Variants in GRID2 observed in about 807,000 individuals in gnomAD.
GRID2 encodes the protein glutamate ionotropic receptor delta type subunit 2, also known as glutamate receptor ionotropic, delta-2.
Under a neutral mutation model 114.8 loss-of-function variants are expected in GRID2, and 33 were observed. The ratio of observed to expected loss-of-function variants is 0.29; its 90% CI spans 0.22 to 0.38. GRID2 has a LOEUF of 0.38. Ranked by LOEUF, GRID2 falls within the 10% of genes least tolerant of loss-of-function variation. The pLI, the probability that GRID2 is intolerant of heterozygous loss-of-function variation, is 1.00. For missense variants in GRID2, 1,184 were observed against 1,257.7 expected, an observed-to-expected ratio of 0.94 and a Z score of 0.89; for synonymous variants, 505 against 449.9, an observed-to-expected ratio of 1.12 and a Z score of -1.55.
chr4:92,747,443 A>C (rs762985477), intron 2 of GRID2, among the ~76,000 whole-genome samples: 5 of 152,086 alleles, frequency 3.3e-5, no homozygotes, highest in African/African-American at 1.2e-4. Context: ...TAAAAGATGC[A>C]TTATTCAGCG....
rs373207037 is a variant in GRID2, at chr4:92,704,723, T to TTC, written c.244+114458_244+114459dup. Among the ~76,000 whole-genome samples the TTC allele has an allele frequency of 8.7e-3, 788 of 90,068 alleles. 2 individuals are homozygous for TTC. Among genetic ancestry groups the TTC allele is most frequent in the African/African-American group, 0.018 (441 of 23,844 alleles). The allele number at this position is 90,068 out of a possible 152,430, so 59.1% of individuals were successfully genotyped here. ...TCAATCTCTCTCTCTCTCTCTCTCT[T>TTC]TCTCTCTCTCTCTCTCTCTCTCCCT... On this transcript the variant is annotated intron_variant, in intron 2 of 15. Transcript: ENST00000282020.
chr4:92,489,317 T>G (rs1476857528), intron 1 of GRID2, among the ~76,000 whole-genome samples: 1 of 152,150 alleles, frequency 6.6e-6, no homozygotes, highest in Non-Finnish European at 1.5e-5. Context: ...TAAATGTTAT[T>G]TAAGAAATCA....
chr4:93,120,482 A>C lies in GRID2; in HGVS notation c.735+9529A>C, dbSNP rs540559840. 2.6e-5 allele frequency among the ~76,000 whole-genome samples: 4 copies of C among 152,304 alleles called. No homozygotes were observed. The East Asian group carries it at 7.7e-4, about 29-fold the overall frequency. ...AAACCAGAAACCATCATTCTCAGCAAACTAACACAGGAACAGAAAACCAAA... is the reference window on the plus strand; with the variant it reads ...AAACCAGAAACCATCATTCTCAGCACACTAACACAGGAACAGAAAACCAAA... On this transcript the variant is annotated intron_variant, in intron 4 of 15. Coordinates refer to ENST00000282020, the MANE Select transcript of GRID2 (RefSeq NM_001510.4).
At chr4:93,688,908 T>A (rs906263084) in intron 14 of GRID2, among the ~76,000 whole-genome samples, 4 of 152,008 alleles carry the variant, frequency 2.6e-5, no homozygotes. Context: ...ACAGGCAAAA[T>A]TGTGTCCCTA....
At chr4:92,675,206 G>A (rs147394130) in intron 2 of GRID2, among the ~76,000 whole-genome samples, 223 of 152,176 alleles carry the variant, frequency 1.5e-3, no homozygotes, top group Non-Finnish European at 2.9e-3. Flanking sequence ...CTGAATGCCT[G>A]GGGTATTCAT....
intron 1 of GRID2, among the ~76,000 whole-genome samples, chr4:93,787,013 C>G (rs1054281407): frequency 6.6e-6 from 1 of 151,280 alleles, no homozygotes; most frequent in East Asian, 1.9e-4. Context: ...TCATCTCATC[C>G]CCACAAATCT....
intron 1 of GRID2, among the ~76,000 whole-genome samples, chr4:92,459,687 T>C (rs763621972): frequency 6.6e-6 from 1 of 152,048 alleles, no homozygotes; most frequent in African/African-American, 2.4e-5. Context: ...TATTTACTTG[T>C]GATGGCTAAT....
chr4:93,721,927 T>TC (rs1200378155), intron 14 of GRID2, among the ~76,000 whole-genome samples: 2 of 150,148 alleles, frequency 1.3e-5, no homozygotes, highest in Non-Finnish European at 3.0e-5. Context: ...TTTCTTTTTT[T>TC]TTTTTTTTTG....
chr4:92,761,433 A>G (rs1738007650), intron 2 of GRID2, among the ~76,000 whole-genome samples: 4 of 152,194 alleles, frequency 2.6e-5, no homozygotes. Context: ...TATAAGAAAT[A>G]GTAATTGAGA....
chr4:92,529,769 G>C (rs1245088531), intron 1 of GRID2, among the ~76,000 whole-genome samples: 1 of 152,162 alleles, frequency 6.6e-6, no homozygotes, highest in Non-Finnish European at 1.5e-5. Flanking sequence ...CTCTTCAATA[G>C]TTGTGTCAGG....
chr4:92,641,251 T>G (rs914243412), intron 2 of GRID2, among the ~76,000 whole-genome samples: 12 of 151,232 alleles, frequency 7.9e-5, no homozygotes, highest in African/African-American at 2.9e-4. Context: ...TTATGAAAAT[T>G]TCATATTATA....
At chr4:93,697,098 G>T (rs73839670) in intron 14 of GRID2, among the ~76,000 whole-genome samples, 1 of 152,012 alleles carries the variant, frequency 6.6e-6, no homozygotes, top group Non-Finnish European at 1.5e-5. Flanking sequence ...CAAATATTAG[G>T]CAATTCAAAT....
At chr4:93,160,288 G>A (rs991471770) in intron 4 of GRID2, among the ~76,000 whole-genome samples, 6 of 151,544 alleles carry the variant, frequency 4.0e-5, no homozygotes, top group Admixed American at 2.6e-4. Flanking sequence ...TATAGATAAG[G>A]TAATATCATT....
At chr4:92,823,450 G>T (rs368658820) in intron 2 of GRID2, among the ~76,000 whole-genome samples, 4 of 152,134 alleles carry the variant, frequency 2.6e-5, no homozygotes, top group African/African-American at 9.7e-5. Context: ...TGACATGAGA[G>T]AAATCAGCTC....
chr4:93,625,360 A>G (rs1251678407), intron 13 of GRID2, among the ~76,000 whole-genome samples: 3 of 152,318 alleles, frequency 2.0e-5, no homozygotes. Flanking sequence ...CTCAATCCAA[A>G]TGACATTTTC....
At chr4:93,011,180 T>C (rs1026058637) in intron 2 of GRID2, among the ~76,000 whole-genome samples, 3 of 151,960 alleles carry the variant, frequency 2.0e-5, no homozygotes, top group Non-Finnish European at 4.4e-5. Flanking sequence ...TAATTACTTT[T>C]GGAAGGAAGA....
rs1730109101 is a variant in GRID2 at position 92,618,380 on chromosome 4, A to T, written c.244+28094A>T. Among the ~76,000 whole-genome samples, 3 of 151,590 alleles carry T rather than the reference A, an allele frequency of 2.0e-5. No homozygotes were observed. The South Asian group carries it at 6.2e-4, about 31-fold the overall frequency. Reference sequence around the variant, plus strand: ...TTAATTGGTCTATATTTCTGTTCTTACGAAAGCACCCTGCTGTTTTGGTTA... The same window carrying T: ...TTAATTGGTCTATATTTCTGTTCTTTCGAAAGCACCCTGCTGTTTTGGTTA... On this transcript the variant is annotated intron_variant, in intron 2 of 15. Transcript: ENST00000282020.
chr4:93,434,388 A>G (rs1454464830), intron 10 of GRID2, among the ~76,000 whole-genome samples: 1 of 152,160 alleles, frequency 6.6e-6, no homozygotes, highest in Non-Finnish European at 1.5e-5. Flanking sequence ...AACATGGCAC[A>G]TGTATACATA....
intron 2 of GRID2, among the ~76,000 whole-genome samples, chr4:92,870,793 G>T (rs917274184): frequency 6.6e-6 from 1 of 152,074 alleles, no homozygotes; most frequent in African/African-American, 2.4e-5. Flanking sequence ...AGATTTTACA[G>T]TTTAAAATTA....
Sources: gnomAD v4.1 joint callset for allele counts (sites outside exome capture counted in the v4.1 genomes callset) on GRCh38, gnomAD v4.1.1 for gene constraint, MANE v1.5 for transcripts, NCBI Gene and HGNC (gene_info 2026-07-23, HGNC 2026-07-21) for gene names.